TTLL5: variants seen among roughly 807,000 people sequenced by gnomAD.
TTLL5 encodes tubulin polyglutamylase TTLL5.
A neutral mutation model predicts 168.4 loss-of-function variants in TTLL5; 132 were observed. The observed-to-expected ratio is 0.78, with a 90% confidence interval of 0.68 to 0.91. TTLL5 has a LOEUF of 0.91. TTLL5 is among the 40% of genes least tolerant of loss of function. The pLI is 0.00. For missense variants in TTLL5, 1,545 were observed against 1,581.5 expected, an observed-to-expected ratio of 0.98 and a Z score of 0.39; for synonymous variants, 546 against 558.6, an observed-to-expected ratio of 0.98 and a Z score of 0.32.
intron 2 of TTLL5, among the ~76,000 whole-genome samples, 161 bp from the exon 3 acceptor site, chr14:75,669,255 C>A (rs765011466): frequency 4.6e-5 from 7 of 152,210 alleles, no homozygotes; most frequent in Non-Finnish European, 1.0e-4. Flanking sequence ...TAATTTTAAA[C>A]ACACAGCTAA....
intron 3 of TTLL5, among the ~76,000 whole-genome samples, chr14:75,670,994 C>T (rs1883695468): frequency 6.6e-6 from 1 of 152,006 alleles, no homozygotes; most frequent in African/African-American, 2.4e-5. Flanking sequence ...GGTCATGATC[C>T]CTGTGCTTTT....
rs570599795 is a variant in TTLL5, at chr14:75,800,427, G to A, written c.3171+7327G>A. On this transcript the variant is annotated intron_variant, in intron 27 of 31. Coordinates refer to ENST00000298832, the MANE Select transcript of TTLL5 (RefSeq NM_015072.5). ...AAATTGGTTTCCACCTTTCCCTGGT[G>A]CCTCCTTAAATAGGTAAATAATCGA... 2.5e-4 allele frequency among the ~76,000 whole-genome samples: 38 copies of A among 152,124 alleles called. No individual in the cohort carries two copies. In the South Asian group the frequency reaches 3.3e-3, roughly 13 times the overall value.
chr14:75,715,544 G>A (rs1277459020), intron 9 of TTLL5, among the ~76,000 whole-genome samples: 1 of 152,130 alleles, frequency 6.6e-6, no homozygotes, highest in African/African-American at 2.4e-5. Context: ...AGCTCTTACT[G>A]GGGTAGGAGG....
At chr14:75,881,638 C>T (rs1249573424) in intron 29 of TTLL5, among the ~76,000 whole-genome samples, 1 of 152,146 alleles carries the variant, frequency 6.6e-6, no homozygotes, top group African/African-American at 2.4e-5. Flanking sequence ...TTTCATCCTG[C>T]CTCACCATGA....
chr14:75,863,508 G>T (rs116959450), intron 28 of TTLL5, among the ~76,000 whole-genome samples, 159 bp from the exon 29 acceptor site: 1,558 of 152,262 alleles, frequency 0.01, 69 homozygotes, highest in Admixed American at 0.089. Flanking sequence ...ATGGAGCTAC[G>T]GTTTAGTGGG....
At chr14:75,915,761 A>C (rs2033593451) in intron 31 of TTLL5, among the ~76,000 whole-genome samples, 1 of 152,228 alleles carries the variant, frequency 6.6e-6, no homozygotes, top group Non-Finnish European at 1.5e-5. Flanking sequence ...AACATTGCTA[A>C]TCATAAGAGA....
intron 15 of TTLL5, among the ~76,000 whole-genome samples, chr14:75,739,790 T>A (rs1889137491): frequency 1.3e-5 from 2 of 152,148 alleles, no homozygotes; most frequent in Non-Finnish European, 2.9e-5. Flanking sequence ...AAAATGGAGG[T>A]AAAATATTCA....
At chr14:75,721,761 A>G (rs1403247543) in intron 12 of TTLL5, among the ~76,000 whole-genome samples, 1 of 152,194 alleles carries the variant, frequency 6.6e-6, no homozygotes, top group Admixed American at 6.5e-5. Flanking sequence ...GTTGTACTCA[A>G]TAAAAATTAT....
At chr14:75,931,167 A>C (rs1049982873) in intron 31 of TTLL5, among the ~76,000 whole-genome samples, 2 of 152,172 alleles carry the variant, frequency 1.3e-5, no homozygotes, top group Non-Finnish European at 2.9e-5. Flanking sequence ...AAACATGAAC[A>C]TAAGTAGTAC....
intron 12 of TTLL5, among the ~76,000 whole-genome samples, chr14:75,721,000 A>G (rs922403376): frequency 2.0e-5 from 3 of 152,180 alleles, no homozygotes; most frequent in Non-Finnish European, 4.4e-5. Context: ...ACAGGAATCC[A>G]GCTCTAACAA....
At chr14:75,825,371 G>A (rs959016269) in intron 28 of TTLL5, among the ~76,000 whole-genome samples, 1 of 152,138 alleles carries the variant, frequency 6.6e-6, no homozygotes, top group East Asian at 1.9e-4. Context: ...AGGATGGGAA[G>A]GCATCAGAGT....
intron 31 of TTLL5, among the ~76,000 whole-genome samples, chr14:75,932,368 A>G (rs2034303396): frequency 6.6e-6 from 1 of 152,226 alleles, no homozygotes; most frequent in South Asian, 2.1e-4. Flanking sequence ...AAAGATAAGG[A>G]GATTTTATAC....
chr14:75,952,875 G>T (rs931452964), intron 31 of TTLL5, among the ~76,000 whole-genome samples: 6 of 152,152 alleles, frequency 3.9e-5, no homozygotes, highest in African/African-American at 1.2e-4. Flanking sequence ...AGATGTAGGG[G>T]GTGGTGGCGA....
intron 31 of TTLL5, among the ~76,000 whole-genome samples, chr14:75,940,341 A>G (rs2140191529): frequency 6.6e-6 from 1 of 152,172 alleles, no homozygotes; most frequent in Non-Finnish European, 1.5e-5. Context: ...GGCCTCCCAA[A>G]GTGCTGGGAT....
intron 28 of TTLL5, chr14:75,835,595 T>G (rs1364387365): frequency 6.6e-6 from 1 of 152,204 alleles, no homozygotes; most frequent in African/African-American, 2.4e-5. Flanking sequence ...TATGTTGTAT[T>G]AAAATATGTA....
intron 7 of TTLL5, among the ~76,000 whole-genome samples, chr14:75,705,201 A>G (rs1206808987): frequency 6.6e-6 from 1 of 152,242 alleles, no homozygotes; most frequent in Admixed American, 6.5e-5. Context: ...TGAATCAGTA[A>G]TGATGTCATT....
intron 9 of TTLL5, among the ~76,000 whole-genome samples, chr14:75,708,515 C>T (rs184841080): frequency 1.3e-5 from 2 of 151,834 alleles, no homozygotes; most frequent in African/African-American, 4.8e-5. Flanking sequence ...TTAGTAGAGA[C>T]GAGGTTTCAC....
intron 29 of TTLL5, among the ~76,000 whole-genome samples, chr14:75,873,525 C>T (rs890248600): frequency 1.3e-5 from 2 of 152,194 alleles, no homozygotes; most frequent in Admixed American, 1.3e-4. Context: ...TCATTAGATT[C>T]TTTTACTTAG....
At chr14:75,876,538 G>A (rs1028269134) in intron 29 of TTLL5, among the ~76,000 whole-genome samples, 3 of 152,182 alleles carry the variant, frequency 2.0e-5, no homozygotes, top group Non-Finnish European at 4.4e-5. Flanking sequence ...GAAGGCTTCC[G>A]ACACCTTTGA....
Sources: gnomAD v4.1 joint callset for allele counts (sites outside exome capture counted in the v4.1 genomes callset) on GRCh38, gnomAD v4.1.1 for gene constraint, MANE v1.5 for transcripts, NCBI Gene and HGNC (gene_info 2026-07-23, HGNC 2026-07-21) for gene names.